Variants in GNAQ observed in about 807,000 individuals in gnomAD.
GNAQ encodes G protein subunit alpha q.
GNAQ carries 8 observed loss-of-function variants against 43.9 expected under a neutral mutation model. The observed-to-expected ratio is 0.18, with a 90% CI of 0.11 to 0.33. The LOEUF is 0.33. GNAQ is among the 10% of genes least tolerant of loss of function. GNAQ has a pLI of 1.00. For synonymous variants in GNAQ, 155 were observed against 170.7 expected (o/e 0.91, Z 0.71); for missense variants, 158 against 450.8 (o/e 0.35, Z 5.88).
intron 1 of GNAQ, among the ~76,000 whole-genome samples, chr9:78,016,911 A>G (rs79145260): frequency 6.6e-6 from 1 of 152,294 alleles, no homozygotes; most frequent in East Asian, 1.9e-4. Flanking sequence ...CATTAAATAG[A>G]CATAATCCAA....
chr9:77,882,011 G>A (rs562507093), intron 2 of GNAQ, among the ~76,000 whole-genome samples: 4 of 152,208 alleles, frequency 2.6e-5, no homozygotes, highest in South Asian at 4.1e-4. Flanking sequence ...GGTGGCGGGC[G>A]CCTGTAGTCC....
At chr9:77,873,061 G>C (rs1206369067) in intron 2 of GNAQ, among the ~76,000 whole-genome samples, 1 of 152,212 alleles carries the variant, frequency 6.6e-6, no homozygotes, top group Non-Finnish European at 1.5e-5. Flanking sequence ...GTATTGGAAA[G>C]TATAATACAA....
At chr9:78,000,993 A>G (rs1260759580) in intron 1 of GNAQ, among the ~76,000 whole-genome samples, 4 of 152,222 alleles carry the variant, frequency 2.6e-5, no homozygotes, top group Non-Finnish European at 4.4e-5. Context: ...TGGGTATCAG[A>G]GCAGCACGCA....
At position 77,716,882 on chromosome 9, in the gene GNAQ, T is replaced by C; in HGVS notation, c.*4441A>G. 8.6e-6 allele frequency: 2 copies of C among 232,158 alleles called. No individual in the cohort carries two copies. The highest frequency in any genetic ancestry group is 1.8e-4 in the South Asian group (1 of 5,512). 14.4% of individuals were successfully genotyped at this position (232,158 alleles called of 1,614,324 possible). ...TAGGTGTGTATTCATACTTTGAACA[T>C]ATGATTCTAGAGGCAAGAGTGTTAT... On this transcript the variant is annotated 3_prime_UTR_variant, in exon 7 of 7. Transcript: ENST00000286548.
At chr9:77,960,774 T>TA (rs967343650) in intron 1 of GNAQ, among the ~76,000 whole-genome samples, 5 of 148,168 alleles carry the variant, frequency 3.4e-5, no homozygotes, top group African/African-American at 7.5e-5. Flanking sequence ...CACTTTAACC[T>TA]AAAAAAAATG....
intron 1 of GNAQ, among the ~76,000 whole-genome samples, chr9:77,926,356 A>G (rs1316437460): frequency 6.6e-6 from 1 of 152,212 alleles, no homozygotes; most frequent in Admixed American, 6.5e-5. Flanking sequence ...GTTGTTTCCT[A>G]AGGCCACATG....
chr9:77,801,260 G>A (rs1168373096), intron 3 of GNAQ, among the ~76,000 whole-genome samples: 1 of 152,138 alleles, frequency 6.6e-6, no homozygotes, highest in African/African-American at 2.4e-5. Context: ...AGGGGTTAGA[G>A]GATACCCTAA....
chr9:77,999,792 T>C (rs1459995454), intron 1 of GNAQ, among the ~76,000 whole-genome samples: 1 of 152,160 alleles, frequency 6.6e-6, no homozygotes, highest in Non-Finnish European at 1.5e-5. Flanking sequence ...TTTCATATAT[T>C]ACCCTGCCAA....
At chr9:77,775,510 C>T (rs987871662) in intron 5 of GNAQ, among the ~76,000 whole-genome samples, 4 of 151,048 alleles carry the variant, frequency 2.6e-5, no homozygotes, top group Admixed American at 6.6e-5. Flanking sequence ...CCCGGGTTCA[C>T]GCCATTCTCC....
intron 2 of GNAQ, among the ~76,000 whole-genome samples, chr9:77,862,573 G>C (rs1827872472): frequency 1.3e-5 from 2 of 152,192 alleles, no homozygotes; most frequent in South Asian, 4.1e-4. Context: ...GCAAACAGCA[G>C]AAGGACCCTG....
chr9:77,906,446 G>T (rs1394975192), intron 2 of GNAQ, among the ~76,000 whole-genome samples: 1 of 152,082 alleles, frequency 6.6e-6, no homozygotes, highest in Non-Finnish European at 1.5e-5. Flanking sequence ...TTTATCAAAA[G>T]CCTCAAAAAT....
intron 5 of GNAQ, among the ~76,000 whole-genome samples, chr9:77,772,490 C>T (rs1215955250): frequency 6.6e-6 from 1 of 152,154 alleles, no homozygotes; most frequent in Non-Finnish European, 1.5e-5. Context: ...CTGAGACAAA[C>T]CTAGTACTAC....
At chr9:77,878,860 A>G (rs1828167373) in intron 2 of GNAQ, among the ~76,000 whole-genome samples, 1 of 152,120 alleles carries the variant, frequency 6.6e-6, no homozygotes, top group Non-Finnish European at 1.5e-5. Flanking sequence ...AGCCTGGCCT[A>G]CATGATGAAA....
intron 3 of GNAQ, among the ~76,000 whole-genome samples, chr9:77,814,337 A>AT (rs1204248469): frequency 6.6e-6 from 1 of 152,194 alleles, no homozygotes; most frequent in African/African-American, 2.4e-5. Context: ...AAGACCAGAA[A>AT]TGAGAAGAAC....
intron 1 of GNAQ, among the ~76,000 whole-genome samples, chr9:78,008,873 T>C (rs941047069): frequency 6.6e-6 from 1 of 152,218 alleles, no homozygotes; most frequent in South Asian, 2.1e-4. Flanking sequence ...CACCTCGGCC[T>C]CCCAAAGTGT....
At chr9:77,889,593 A>T in intron 2 of GNAQ, among the ~76,000 whole-genome samples, 1 of 151,984 alleles carries the variant, frequency 6.6e-6, no homozygotes, top group East Asian at 1.9e-4. Flanking sequence ...ACACATGTTG[A>T]TCCTTCCAGA....
chr9:78,000,723 C>T (rs761400197), intron 1 of GNAQ, among the ~76,000 whole-genome samples: 1 of 152,164 alleles, frequency 6.6e-6, no homozygotes, highest in Non-Finnish European at 1.5e-5. Context: ...TAACTGTAAA[C>T]GCCTGCTCAG....
intron 1 of GNAQ, among the ~76,000 whole-genome samples, chr9:78,028,129 T>A (rs1824004906): frequency 6.6e-6 from 1 of 152,124 alleles, no homozygotes. Context: ...TTAACCAAGT[T>A]AAAATGAAGT....
intron 2 of GNAQ, among the ~76,000 whole-genome samples, chr9:77,904,317 C>CTTTTTTTTTTTTTTTTTTTTTT (rs554783626): frequency 1.3e-5 from 1 of 77,406 alleles, no homozygotes; most frequent in Non-Finnish European, 2.2e-5. Flanking sequence ...TTCACACCGG[C>CTTTTTTTTTTTTTTTTTTTTTT]TTTTTTTTTT....
Sources: allele counts gnomAD v4.1 joint callset (sites outside exome capture counted in the v4.1 genomes callset), GRCh38; gene constraint gnomAD v4.1.1; transcripts MANE v1.5; gene names NCBI Gene and HGNC (gene_info 2026-07-23, HGNC 2026-07-21).